The following TMEM45A variants were observed in gnomAD, a reference collection of about 807,000 sequenced individuals.
TMEM45A encodes the protein DNA polymerase-transactivated protein 4.
In TMEM45A, 25 loss-of-function variants were observed where a neutral mutation model predicts 32.0. The ratio of observed to expected loss-of-function variants is 0.78; its 90% CI spans 0.57 to 1.09. The LOEUF (loss-of-function observed/expected upper bound fraction) is 1.09, where lower values mean the gene tolerates loss of function less well. Ranked by LOEUF, TMEM45A falls within the 50% of genes least tolerant of loss-of-function variation. The probability of loss-of-function intolerance (pLI) is 0.00; values close to 1 mark genes in which losing one functional copy is unlikely to be tolerated. For synonymous variants in TMEM45A, 122 were observed against 114.8 expected, an observed-to-expected ratio of 1.06 and a Z score of -0.40; for missense variants, 302 against 325.0, an observed-to-expected ratio of 0.93 and a Z score of 0.54.
At chr3:100,519,369 T>TTG (rs921350088) in intron 1 of TMEM45A, 291 of 515,598 alleles carry the variant, frequency 5.6e-4, no homozygotes, top group Non-Finnish European at 7.6e-4. Context: ...TGCATACAGG[T>TTG]TGTGTGTGTG....
At chr3:100,494,361 C>T (rs1019763117) in intron 1 of TMEM45A, among the ~76,000 whole-genome samples, 4 of 152,174 alleles carry the variant, frequency 2.6e-5, no homozygotes, top group African/African-American at 4.8e-5. Context: ...CGGTGGCTCA[C>T]GCCTGTAATC....
intron 1 of TMEM45A, among the ~76,000 whole-genome samples, chr3:100,517,577 T>C (rs1359817979): frequency 2.0e-5 from 3 of 152,340 alleles, no homozygotes; most frequent in East Asian, 1.9e-4. Context: ...TTTCTCACTG[T>C]CCCCATGCCA....
intron 1 of TMEM45A, among the ~76,000 whole-genome samples, chr3:100,493,794 C>T (rs527765938): frequency 6.6e-6 from 1 of 152,118 alleles, no homozygotes; most frequent in Non-Finnish European, 1.5e-5. Context: ...TGCAATGGCA[C>T]GATCTCGGCT....
intron 5 of TMEM45A, among the ~76,000 whole-genome samples, chr3:100,576,465 T>TA (rs765856122): frequency 3.9e-4 from 58 of 149,360 alleles, no homozygotes; most frequent in South Asian, 3.4e-3. Context: ...TAAAAAAAAA[T>TA]AATAATTAGC....
chr3:100,502,965 CCTCCTT>C (rs924556999), intron 1 of TMEM45A, among the ~76,000 whole-genome samples: 6 of 151,488 alleles, frequency 4.0e-5, no homozygotes, highest in Non-Finnish European at 7.4e-5. Context: ...TCCTTCTTCT[CCTCCTT>C]CTCCTTCTCC....
intron 4 of TMEM45A, among the ~76,000 whole-genome samples, chr3:100,562,392 A>G (rs1706354749): frequency 6.6e-6 from 1 of 152,270 alleles, no homozygotes; most frequent in East Asian, 1.9e-4. Flanking sequence ...GAATGTTTCT[A>G]TGGCTTTCAC....
rs1407827312 is a variant in TMEM45A, at chr3:100,519,552, C to T, written c.-4+26624C>T. On this transcript the variant is annotated intron_variant, in intron 1 of 5. Coordinates refer to ENST00000323523, the MANE Select transcript of TMEM45A (RefSeq NM_018004.3). ...CCACAGTTCTAACGTGCCTGATCTACTGAGACCAAGGATGACCAATGACTC... is the reference window on the plus strand; with the variant it reads ...CCACAGTTCTAACGTGCCTGATCTATTGAGACCAAGGATGACCAATGACTC... 8 of 1,550,860 alleles carry T rather than the reference C, an allele frequency of 5.2e-6. No individual in the cohort carries two copies. The South Asian group carries it at 9.5e-5, about 18-fold the overall frequency.
intron 1 of TMEM45A, among the ~76,000 whole-genome samples, chr3:100,541,192 G>T (rs1046275108): frequency 2.0e-5 from 3 of 151,944 alleles, no homozygotes; most frequent in African/African-American, 7.3e-5. Flanking sequence ...TTGCTCATTC[G>T]ATTGTTTAAG....
intron 1 of TMEM45A, among the ~76,000 whole-genome samples, chr3:100,553,523 G>T (rs1240535390): frequency 2.6e-5 from 4 of 152,140 alleles, no homozygotes; most frequent in African/African-American, 7.2e-5. Flanking sequence ...AAAATTTGCA[G>T]TCTGTATATA....
intron 1 of TMEM45A, chr3:100,519,628 A>C: frequency 6.4e-7 from 1 of 1,550,550 alleles, no homozygotes; most frequent in Non-Finnish European, 8.7e-7. Context: ...GCGTTTCTGC[A>C]GTAACCTTTG....
chr3:100,563,742 C>T (rs1706376405), intron 4 of TMEM45A, among the ~76,000 whole-genome samples: 1 of 152,174 alleles, frequency 6.6e-6, no homozygotes, highest in Non-Finnish European at 1.5e-5. Flanking sequence ...TTCTTGCCTT[C>T]TTCCGGGGGC....
chr3:100,564,573 T>A (rs769565573), intron 4 of TMEM45A, among the ~76,000 whole-genome samples: 22 of 149,866 alleles, frequency 1.5e-4, no homozygotes, highest in Non-Finnish European at 3.1e-4. Context: ...CACCTCCACC[T>A]CCCGGGTTCA....
At chr3:100,576,158 TA>T (rs980270225) in intron 5 of TMEM45A, among the ~76,000 whole-genome samples, 1 of 151,548 alleles carries the variant, frequency 6.6e-6, no homozygotes, top group Non-Finnish European at 1.5e-5. Flanking sequence ...ACTAAAAATA[TA>T]AAAAAAATTG....
chr3:100,532,516 C>T (rs924914117), intron 1 of TMEM45A, among the ~76,000 whole-genome samples: 15 of 152,200 alleles, frequency 9.9e-5, no homozygotes, highest in African/African-American at 3.1e-4. Context: ...CGTTGAGTAA[C>T]CTGAGTCTAA....
rs1234353429 is a variant in TMEM45A at position 100,517,315 on chromosome 3, G to A, written c.-4+24387G>A. ...GTATTTTTAGTAGAGACAGGGTTTC[G>A]CCATTTTGGCCAGGCTGGTCTTGAA... On this transcript the variant is annotated intron_variant, in intron 1 of 5. Transcript: ENST00000323523. 3.9e-5 allele frequency among the ~76,000 whole-genome samples: 6 copies of A among 152,064 alleles called. No homozygotes were observed. In the East Asian group the frequency reaches 7.7e-4, roughly 20 times the overall value.
At chr3:100,559,816 A>AAAATT (rs1706295406) in intron 4 of TMEM45A, among the ~76,000 whole-genome samples, 1 of 152,126 alleles carries the variant, frequency 6.6e-6, no homozygotes, top group South Asian at 2.1e-4. Context: ...AAAATAAAAT[A>AAAATT]AAATAAAAAC....
chr3:100,565,278 G>A (rs571840405), intron 4 of TMEM45A, among the ~76,000 whole-genome samples: 2 of 152,294 alleles, frequency 1.3e-5, no homozygotes, highest in South Asian at 2.1e-4. Flanking sequence ...TGAGGATTAC[G>A]TGACAAGCAC....
intron 1 of TMEM45A, among the ~76,000 whole-genome samples, chr3:100,507,682 C>A (rs2148932574): frequency 6.6e-6 from 1 of 152,088 alleles, no homozygotes. Context: ...TTGTCATGAC[C>A]ACCATGATGG....
intron 4 of TMEM45A, among the ~76,000 whole-genome samples, chr3:100,567,518 C>CAAAAAAAAAAA (rs780009246): frequency 6.3e-5 from 4 of 63,498 alleles, no homozygotes; most frequent in Non-Finnish European, 8.9e-5. Context: ...ACCATTTCTG[C>CAAAAAAAAAAA]AAAAAAAAAA....
Sources: allele counts gnomAD v4.1 joint callset (sites outside exome capture counted in the v4.1 genomes callset), GRCh38; gene constraint gnomAD v4.1.1; transcripts MANE v1.5; gene names NCBI Gene and HGNC (gene_info 2026-07-23, HGNC 2026-07-21).